The following ELANE variants were observed in gnomAD, a reference collection of about 807,000 sequenced individuals.
ELANE encodes the protein neutrophil elastase.
A neutral mutation model predicts 20.6 loss-of-function variants in ELANE; 12 were observed. The ratio of observed to expected loss-of-function variants is 0.58; its 90% CI spans 0.37 to 0.94. The LOEUF (loss-of-function observed/expected upper bound fraction) is 0.94, where lower values mean the gene tolerates loss of function less well. Ranked by LOEUF, ELANE falls within the 40% of genes least tolerant of loss-of-function variation. The pLI is 0.01. For missense variants in ELANE, 388 were observed against 395.2 expected, an observed-to-expected ratio of 0.98 and a Z score of 0.15; for synonymous variants, 203 against 177.4, an observed-to-expected ratio of 1.14 and a Z score of -1.15.
Position 855,499 on chromosome 19 carries a change from G to C in ELANE, c.367-65G>C, listed in dbSNP as rs1463399744. The C allele has an allele frequency of 6.5e-7, 1 of 1,536,174 alleles. No homozygotes were observed. The highest frequency in any genetic ancestry group is 8.8e-7 in the Non-Finnish European group (1 of 1,135,300). ...ACCTGAGATGGGGAAACTGAGGCCCGGAGAGGGGAGGGTCATCATCACTGC... is the reference window on the plus strand; with the variant it reads ...ACCTGAGATGGGGAAACTGAGGCCCCGAGAGGGGAGGGTCATCATCACTGC... On this transcript the variant is annotated intron_variant, in intron 3 of 4. Transcript: ENST00000263621. This position sits in a 1 kb window ranked among gnomAD's most constrained non-coding sequence, Gnocchi z 6.2.
chr19:855,534 C>T lies in ELANE; in HGVS notation c.367-30C>T, dbSNP rs199867802. Reference sequence around the variant, plus strand: ...GGGTCATCATCACTGCCCCGTGTGACGCGCTGACGATCTGTCCCCACCGCC... The same window carrying T: ...GGGTCATCATCACTGCCCCGTGTGATGCGCTGACGATCTGTCCCCACCGCC... On this transcript the variant is annotated intron_variant, in intron 3 of 4. Coordinates refer to ENST00000263621, the MANE Select transcript of ELANE (RefSeq NM_001972.4). This position sits in a 1 kb window ranked among gnomAD's most constrained non-coding sequence, Gnocchi z 6.2. 45 of 1,592,354 alleles carry T rather than the reference C, an allele frequency of 2.8e-5. No homozygotes were observed. In the Admixed American group the frequency reaches 2.9e-4, roughly 10 times the overall value.
At position 855,742 on chromosome 19, in the gene ELANE, G is replaced by A. The variant is rs200449787; in HGVS notation, c.545G>A (p.Arg182His). The change falls in exon 4 of 5, where the codon CGT (arginine) becomes CAT (histidine). Residue 182 changes from arginine (R) to histidine (H), a missense_variant. Coordinates refer to ENST00000263621, the MANE Select transcript of ELANE (RefSeq NM_001972.4). This position sits in a 1 kb window ranked among gnomAD's most constrained non-coding sequence, Gnocchi z 6.2. ...GTGACGGTGGTGACGTCCCTCTGCC[G>A]TCGCAGCAACGTCTGCACTCTCGTG... ...LNVTVVTSLC[R>H]RSNVCTLVRG... is the part of the protein sequence containing the mutation. 1.7e-5 allele frequency: 27 copies of A among 1,609,644 alleles called. No homozygotes were observed. Among genetic ancestry groups the A allele is most frequent in the Non-Finnish European group, 1.9e-5 (23 of 1,179,938 alleles).
rs1025416345 is a variant in ELANE at position 855,948 on chromosome 19, G to A, written c.598-10G>A. 6.2e-7 allele frequency: 1 copy of A among 1,612,890 alleles called. No homozygotes were observed. The highest frequency in any genetic ancestry group is 1.3e-5 in the African/African-American group (1 of 74,950). On this transcript the variant is annotated splice_polypyrimidine_tract_variant and intron_variant, in intron 4 of 4. Transcript: ENST00000263621. This position sits in a 1 kb window ranked among gnomAD's most constrained non-coding sequence, Gnocchi z 6.2. ...GCAGTCCAGCTTCCCCACCTTGTCTGCCTCCACAGGGGGACTCCGGCAGCC... is the reference window on the plus strand; with the variant it reads ...GCAGTCCAGCTTCCCCACCTTGTCTACCTCCACAGGGGGACTCCGGCAGCC...
At position 852,864 on chromosome 19, in the gene ELANE, G is replaced by T. The variant is rs1380161253; in HGVS notation, c.68-12G>T. 6.3e-7 allele frequency: 1 copy of T among 1,593,686 alleles called. No homozygotes were observed. Among genetic ancestry groups the T allele is most frequent in the African/African-American group, 1.3e-5 (1 of 74,822 alleles). On this transcript the variant is annotated splice_polypyrimidine_tract_variant and intron_variant, in intron 1 of 4. Coordinates refer to ENST00000263621, the MANE Select transcript of ELANE (RefSeq NM_001972.4). ...GGCAGGCACTCAGCACCCGCACCCGGTGTGTCCCCAGGCACCGCGCTGGCC... is the reference window on the plus strand; with the variant it reads ...GGCAGGCACTCAGCACCCGCACCCGTTGTGTCCCCAGGCACCGCGCTGGCC...
chr19:855,230 A>G lies in ELANE; in HGVS notation c.367-334A>G, dbSNP rs1432721575. ...GGTCTTGAATGCCTGGCCTCAAGTG[A>G]TCCTCCTGCCTCGCCCTCCCAAAGT... is the stretch of plus-strand genomic sequence containing the variant. On this transcript the variant is annotated intron_variant, in intron 3 of 4. Coordinates refer to ENST00000263621, the MANE Select transcript of ELANE (RefSeq NM_001972.4). This position sits in a 1 kb window ranked among gnomAD's most constrained non-coding sequence, Gnocchi z 6.2. Among the ~76,000 whole-genome samples, 1 of 151,962 alleles carries G rather than the reference A, an allele frequency of 6.6e-6. No individual in the cohort carries two copies. Among genetic ancestry groups the G allele is most frequent in the Non-Finnish European group, 1.5e-5 (1 of 67,988 alleles).
rs367875841 is a variant in ELANE, at chr19:852,861, C to T, written c.68-15C>T. On this transcript the variant is annotated splice_polypyrimidine_tract_variant and intron_variant, in intron 1 of 4. Coordinates refer to ENST00000263621, the MANE Select transcript of ELANE (RefSeq NM_001972.4). Reference sequence around the variant, plus strand: ...CTTGGCAGGCACTCAGCACCCGCACCCGGTGTGTCCCCAGGCACCGCGCTG... The same window carrying T: ...CTTGGCAGGCACTCAGCACCCGCACTCGGTGTGTCCCCAGGCACCGCGCTG... 6.3e-7 allele frequency: 1 copy of T among 1,592,998 alleles called. No homozygotes were observed. The highest frequency in any genetic ancestry group is 1.1e-5 in the South Asian group (1 of 90,688).
At chr19:854,749 A>G (rs927837372) in intron 3 of ELANE, among the ~76,000 whole-genome samples, 1 of 146,428 alleles carries the variant, frequency 6.8e-6, no homozygotes, top group Non-Finnish European at 1.5e-5. Context: ...ATATTTATAT[A>G]ATTATAAATA....
rs764038526 is a variant in ELANE at position 853,413 on chromosome 19, G to T, written c.366+10G>T. 7 of 1,592,500 alleles carry T rather than the reference G, an allele frequency of 4.4e-6. No homozygotes were observed. Among genetic ancestry groups the T allele is most frequent in the Admixed American group, 3.5e-5 (2 of 57,188 alleles). On this transcript the variant is annotated intron_variant, in intron 3 of 4. Coordinates refer to ENST00000263621, the MANE Select transcript of ELANE (RefSeq NM_001972.4). ...CATCGTGATTCTCCAGGTGCCGCCG[G>T]GCGGGGCGGGGGGCGCAGGGGCGGA...
rs28931611 is a variant in ELANE at position 853,019 on chromosome 19, T to C, written c.211T>C (p.Cys71Arg). The stretch of plus-strand genomic sequence containing the variant: ...CAACTTCGTCATGTCGGCCGCGCAC[T>C]GCGTGGCGAATGTGTGAGTAGCCGG... Reference protein sequence around the residue: ...APNFVMSAAHCVANVNVRAVR... With the variant: ...APNFVMSAAHRVANVNVRAVR... The change falls in exon 2 of 5, where the codon TGC becomes CGC. Residue 71 changes from cysteine to arginine, a missense_variant. Transcript: ENST00000263621. 1 of 1,562,994 alleles carries C rather than the reference T, an allele frequency of 6.4e-7. No homozygotes were observed. The highest frequency in any genetic ancestry group is 1.8e-5 in the Admixed American group (1 of 54,862).
rs1387563867 is a variant in ELANE at position 856,041 on chromosome 19, C to T, written c.681C>T (p.Leu227=). The T allele has an allele frequency of 6.2e-7, 1 of 1,613,600 alleles. No homozygotes were observed. Among genetic ancestry groups the T allele is most frequent in the South Asian group, 1.1e-5 (1 of 91,092 alleles). ...TCCGGGGAGGCTGCGCCTCAGGGCT[C>T]TACCCCGATGCCTTTGCCCCGGTGG... is the stretch of plus-strand genomic sequence containing the variant. The part of the protein sequence containing the change: ...SFVRGGCASG[L]YPDAFAPVAQ... The change falls in exon 5 of 5, where the codon CTC becomes CTT. Residue 227 remains leucine, a synonymous_variant. Coordinates refer to ENST00000263621, the MANE Select transcript of ELANE (RefSeq NM_001972.4).
chr19:855,979 G>A lies in ELANE; in HGVS notation c.619G>A (p.Val207Ile). 1 of 1,613,346 alleles carries A rather than the reference G, an allele frequency of 6.2e-7. No homozygotes were observed. Among genetic ancestry groups the A allele is most frequent in the East Asian group, 2.2e-5 (1 of 44,882 alleles). The change falls in exon 5 of 5, where the codon GTC becomes ATC. Residue 207 changes from valine (V) to isoleucine (I), a missense_variant. By Grantham distance (29) the Val-to-Ile change is conservative. Around this residue, in one of 3 missense-constraint regions of ELANE, gnomAD observed 321 missense variants for 309.8 expected, o/e 1.04. Transcript: ENST00000263621. The surrounding 1 kb of genome is among the most constrained non-coding windows in gnomAD (Gnocchi z 6.2). ...ACAGGGGGACTCCGGCAGCCCCTTG[G>A]TCTGCAACGGGCTAATCCACGGAAT... Reference protein sequence around the residue: ...VCFGDSGSPLVCNGLIHGIAS... With the variant: ...VCFGDSGSPLICNGLIHGIAS...
Position 853,317 on chromosome 19 carries a change from C to T in ELANE, c.280C>T (p.Pro94Ser). 1 of 1,610,696 alleles carries T rather than the reference C, an allele frequency of 6.2e-7. No homozygotes were observed. The highest frequency in any genetic ancestry group is 8.5e-7 in the Non-Finnish European group (1 of 1,178,978). Residue 94 changes from proline to serine, a missense_variant, in exon 3 of 5, where the codon CCC (proline) becomes TCC (serine). Pro to Ser is a moderately conservative substitution (Grantham distance 74). Transcript: ENST00000263621. ...AGCCCATAACCTCTCGCGGCGGGAG[C>T]CCACCCGGCAGGTGTTCGCCGTGCA... ...LGAHNLSRRE[P>S]TRQVFAVQRI...
intron 3 of ELANE, 32 bp downstream of exon 3, chr19:853,435 C>A: frequency 6.7e-7 from 1 of 1,498,026 alleles, no homozygotes; most frequent in Non-Finnish European, 9.1e-7. Context: ...GGCGCAGGGG[C>A]GGAGGCCAGA....
Position 853,193 on chromosome 19 carries a change from G to T in ELANE, c.225-69G>T, listed in dbSNP as rs1175476021. 2.0e-6 allele frequency: 3 copies of T among 1,517,048 alleles called. No homozygotes were observed. In the African/African-American group the frequency reaches 4.3e-5, roughly 22 times the overall value. The allele number at this position is 1,517,048 out of a possible 1,614,324, so 94.0% of individuals were successfully genotyped here. A position where few individuals can be genotyped will look rare whatever the true frequency, so the allele number is the denominator to read the frequency against. On this transcript the variant is annotated intron_variant, in intron 2 of 4. Transcript: ENST00000263621. ...GCCCTCAGGCCCGTCGCCGGATGGG[G>T]ACGACAAGGCGCGGCTGAGCCCCGA...
chr19:855,806 G>C lies in ELANE; in HGVS notation c.597+12G>C. The C allele has an allele frequency of 6.2e-7, 1 of 1,608,110 alleles. No individual in the cohort carries two copies. The highest frequency in any genetic ancestry group is 8.5e-7 in the Non-Finnish European group (1 of 1,179,884). On this transcript the variant is annotated intron_variant, in intron 4 of 4. Coordinates refer to ENST00000263621, the MANE Select transcript of ELANE (RefSeq NM_001972.4). The surrounding 1 kb of genome is among the most constrained non-coding windows in gnomAD (Gnocchi z 6.2). ...CCGGCGTCTGTTTCGTACGTGCCCT[G>C]GGTGTCCCTCTGCTCCCCACCCGCT... is the stretch of plus-strand genomic sequence containing the variant.
intron 3 of ELANE, among the ~76,000 whole-genome samples, chr19:854,729 A>G (rs1748897942): frequency 6.8e-6 from 1 of 146,048 alleles, no homozygotes; most frequent in African/African-American, 2.5e-5. Context: ...ATTATTTTAT[A>G]ATTATAATAA....
In ELANE at chr19:855,730, C is replaced by T. The variant is rs747053501; in HGVS notation, c.533C>T (p.Thr178Met). The change falls in exon 4 of 5, where the codon ACG becomes ATG. Residue 178 changes from threonine (T) to methionine (M), a missense_variant. Thr to Met is a moderately conservative substitution (Grantham distance 81). This residue lies in a region of ELANE where 321 missense variants were observed against 309.8 expected (regional missense o/e 1.04). Transcript: ENST00000263621. This position sits in a 1 kb window ranked among gnomAD's most constrained non-coding sequence, Gnocchi z 6.2. ...VLQELNVTVV[T>M]SLCRRSNVCT... ...CAGGAGCTCAACGTGACGGTGGTGA[C>T]GTCCCTCTGCCGTCGCAGCAACGTC... 23 of 1,609,662 alleles carry T rather than the reference C, an allele frequency of 1.4e-5. No homozygotes were observed. The highest frequency in any genetic ancestry group is 3.3e-5 in the Admixed American group (2 of 60,004).
chr19:853,274 G>T lies in ELANE; in HGVS notation c.237G>T (p.Ala79=), dbSNP rs1158107493. Reference sequence around the variant, plus strand: ...CCCTCCCCGGCAGAAACGTCCGCGCGGTGCGGGTGGTCCTGGGAGCCCATA... The same window carrying T: ...CCCTCCCCGGCAGAAACGTCCGCGCTGTGCGGGTGGTCCTGGGAGCCCATA... The part of the protein sequence containing the change: ...AHCVANVNVR[A]VRVVLGAHNL... Residue 79 remains alanine (A), a synonymous_variant, in exon 3 of 5, where the codon GCG becomes GCT. Transcript: ENST00000263621. 7 of 1,604,024 alleles carry T rather than the reference G, an allele frequency of 4.4e-6. No homozygotes were observed. In the South Asian group the frequency reaches 5.6e-5, roughly 13 times the overall value.
Position 856,012 on chromosome 19 carries a change from T to C in ELANE, c.652T>C (p.Phe218Leu), listed in dbSNP as rs200384291. 4.3e-6 allele frequency: 7 copies of C among 1,613,424 alleles called. No individual in the cohort carries two copies. The highest frequency in any genetic ancestry group is 1.3e-5 in the African/African-American group (1 of 74,952). Residue 218 changes from phenylalanine (F) to leucine (L), a missense_variant, in exon 5 of 5, where the codon TTC (phenylalanine) becomes CTC (leucine). Physicochemically the swap from Phe to Leu is conservative, Grantham distance 22. Around this residue, in one of 3 missense-constraint regions of ELANE, gnomAD observed 321 missense variants for 309.8 expected, o/e 1.04. Transcript: ENST00000263621. ...CNGLIHGIAS[F>L]VRGGCASGLY... is the part of the protein sequence containing the mutation. ...CGGGCTAATCCACGGAATTGCCTCC[T>C]TCGTCCGGGGAGGCTGCGCCTCAGG... is the stretch of plus-strand genomic sequence containing the variant.
Sources: gnomAD v4.1 joint callset for allele counts (sites outside exome capture counted in the v4.1 genomes callset) on GRCh38, gnomAD v4.1.1 for gene constraint, gnomAD v4.1.1 regional missense constraint, Gnocchi (gnomAD v3.1) non-coding constraint, MANE v1.5 for transcripts, NCBI Gene and HGNC (gene_info 2026-07-23, HGNC 2026-07-21) for gene names.